The following GALNT13 variants were observed in gnomAD, a reference collection of about 807,000 sequenced individuals.
The protein encoded by GALNT13 is UDP-GalNAc:polypeptide N-acetylgalactosaminyltransferase 13.
GALNT13 carries 28 observed loss-of-function variants against 64.2 expected under a neutral mutation model. The observed-to-expected ratio is 0.44, with a 90% confidence interval of 0.32 to 0.60. The LOEUF is 0.60. GALNT13 is among the 20% of genes least tolerant of loss of function. GALNT13 has a pLI of 0.05. For missense variants in GALNT13, 577 were observed against 669.8 expected (o/e 0.86, Z 1.53); for synonymous variants, 214 against 224.6 (o/e 0.95, Z 0.42).
the GALNT13 span, among the ~76,000 whole-genome samples, chr2:153,200,390 T>G: frequency 2.0e-5 from 3 of 152,194 alleles, no homozygotes; most frequent in Non-Finnish European, 4.4e-5. Flanking sequence ...TGGGGCAAAG[T>G]GTAGTGAGCA....
chr2:153,855,203 CTT>C, the GALNT13 span, among the ~76,000 whole-genome samples: 1 of 152,090 alleles, frequency 6.6e-6, no homozygotes, highest in Non-Finnish European at 1.5e-5. Context: ...TTAATTGTAA[CTT>C]ATTACAGATT....
chr2:154,400,914 G>A (rs1481044970), intron 10 of GALNT13, among the ~76,000 whole-genome samples: 2 of 147,834 alleles, frequency 1.4e-5, no homozygotes, highest in African/African-American at 5.1e-5. Context: ...AAATTTTTGG[G>A]TTATGACAGG....
the GALNT13 span, among the ~76,000 whole-genome samples, chr2:153,223,474 G>A: frequency 6.6e-6 from 1 of 152,118 alleles, no homozygotes; most frequent in Non-Finnish European, 1.5e-5. Context: ...GAAATCATAC[G>A]AAGTATGTTA....
the GALNT13 span, among the ~76,000 whole-genome samples, chr2:153,515,238 C>A: frequency 6.6e-6 from 1 of 152,090 alleles, no homozygotes; most frequent in Non-Finnish European, 1.5e-5. Flanking sequence ...GTCATAGAAA[C>A]CATAACCCTG....
the GALNT13 span, among the ~76,000 whole-genome samples, chr2:153,426,723 C>T: frequency 5.3e-5 from 8 of 151,802 alleles, no homozygotes; most frequent in Admixed American, 5.3e-4. Flanking sequence ...TTGAGGTAAG[C>T]CTGTTTCATC....
the GALNT13 span, among the ~76,000 whole-genome samples, chr2:153,616,422 G>A: frequency 6.6e-6 from 1 of 151,850 alleles, no homozygotes; most frequent in Non-Finnish European, 1.5e-5. Context: ...GTCTTATGTG[G>A]TTCCATATTC....
chr2:153,346,847 A>G, the GALNT13 span, among the ~76,000 whole-genome samples: 2 of 152,186 alleles, frequency 1.3e-5, no homozygotes, highest in African/African-American at 4.8e-5. Context: ...ATTCTATATC[A>G]TAGGTGTCAT....
At chr2:153,138,357 C>T in the GALNT13 span, among the ~76,000 whole-genome samples, 2 of 151,996 alleles carry the variant, frequency 1.3e-5, no homozygotes, top group South Asian at 4.1e-4. Flanking sequence ...AGAGACATAA[C>T]CTGAGGCAAA....
At chr2:154,281,721 T>C (rs960720312) in intron 8 of GALNT13, among the ~76,000 whole-genome samples, 1 of 152,062 alleles carries the variant, frequency 6.6e-6, no homozygotes, top group South Asian at 2.1e-4. Flanking sequence ...TTCATGCACA[T>C]TTTGTTCTTA....
chr2:154,411,317 T>TACACACAC (rs59114913), intron 11 of GALNT13, among the ~76,000 whole-genome samples: 5,695 of 147,634 alleles, frequency 0.039, 101 homozygotes, highest in Middle Eastern at 0.056. Context: ...TAATTGCACA[T>TACACACAC]ACACACACAC....
the GALNT13 span, among the ~76,000 whole-genome samples, chr2:153,728,515 A>C: frequency 6.6e-6 from 1 of 152,206 alleles, no homozygotes; most frequent in Non-Finnish European, 1.5e-5. Context: ...GGAAATTTGT[A>C]GCGCTAAATG....
At chr2:153,701,324 C>T in the GALNT13 span, among the ~76,000 whole-genome samples, 2 of 152,126 alleles carry the variant, frequency 1.3e-5, no homozygotes, top group Non-Finnish European at 2.9e-5. Flanking sequence ...CACTTCCTTA[C>T]ACTTTATACA....
At chr2:153,888,260 AC>A in intron 1 of GALNT13, among the ~76,000 whole-genome samples, 1 of 152,012 alleles carries the variant, frequency 6.6e-6, no homozygotes, top group East Asian at 1.9e-4. Context: ...GTTGAAATGT[AC>A]AAGGACTAAG....
At chr2:153,120,911 T>C in the GALNT13 span, among the ~76,000 whole-genome samples, 1 of 152,034 alleles carries the variant, frequency 6.6e-6, no homozygotes, top group Non-Finnish European at 1.5e-5. Flanking sequence ...CAAACTCTAG[T>C]TATTGCGTGA....
chr2:154,252,438 G>A (rs1408296565), intron 7 of GALNT13, among the ~76,000 whole-genome samples: 3 of 151,168 alleles, frequency 2.0e-5, no homozygotes, highest in Non-Finnish European at 4.4e-5. Context: ...CCTACCGCAA[G>A]CTCCGCCTCC....
the GALNT13 span, among the ~76,000 whole-genome samples, chr2:153,673,753 G>A: frequency 6.6e-6 from 1 of 152,290 alleles, no homozygotes. Flanking sequence ...GTTAGGAAAA[G>A]AGGAAGTCAA....
chr2:153,868,208 G>A (rs1027717900), upstream of GALNT13, among the ~76,000 whole-genome samples: 1 of 152,150 alleles, frequency 6.6e-6, no homozygotes, highest in Admixed American at 6.5e-5. Flanking sequence ...AGTGCTCAAT[G>A]TATATTCATG....
At chr2:153,938,803 A>G (rs1558863962) in intron 2 of GALNT13, among the ~76,000 whole-genome samples, 2 of 152,250 alleles carry the variant, frequency 1.3e-5, no homozygotes, top group East Asian at 1.9e-4. Context: ...GGGTCCACCC[A>G]TCACACTTCA....
the GALNT13 span, among the ~76,000 whole-genome samples, chr2:153,196,899 G>A: frequency 2.6e-5 from 4 of 152,180 alleles, no homozygotes; most frequent in Non-Finnish European, 4.4e-5. Context: ...GCCACTGCTC[G>A]TACCTCCCCA....
Sources: gnomAD v4.1 joint callset for allele counts (sites outside exome capture counted in the v4.1 genomes callset) on GRCh38, gnomAD v4.1.1 for gene constraint, MANE v1.5 for transcripts, NCBI Gene and HGNC (gene_info 2026-07-23, HGNC 2026-07-21) for gene names.